Variants in METTL15 observed in about 807,000 individuals in gnomAD.
The protein encoded by METTL15 is methyltransferase 15, mitochondrial 12S rRNA N4-cytidine.
In METTL15, 34 loss-of-function variants were observed where a neutral mutation model predicts 38.3. The ratio of observed to expected loss-of-function variants is 0.89; its 90% CI spans 0.68 to 1.18. The LOEUF is 1.18. Among genes scored for constraint, METTL15 ranks in the 50% most tolerant of loss-of-function variants. The pLI, the probability that METTL15 is intolerant of heterozygous loss-of-function variation, is 0.00. For synonymous variants in METTL15, 162 were observed against 170.9 expected, an observed-to-expected ratio of 0.95 and a Z score of 0.41; for missense variants, 438 against 498.4, an observed-to-expected ratio of 0.88 and a Z score of 1.15.
intron 5 of METTL15, among the ~76,000 whole-genome samples, chr11:28,387,679 T>C (rs1484585399): frequency 6.6e-6 from 1 of 152,038 alleles, no homozygotes; most frequent in African/African-American, 2.4e-5. Flanking sequence ...AAGGAATGCT[T>C]TCAAACTCAT....
At chr11:28,410,675 G>A (rs995216938) in intron 5 of METTL15, 1 of 151,948 alleles carries the variant, frequency 6.6e-6, no homozygotes, top group Non-Finnish European at 1.5e-5. Context: ...ATAATCAACA[G>A]GGAAAAATGG....
chr11:28,227,608 T>C (rs759959117), intron 4 of METTL15, among the ~76,000 whole-genome samples: 10 of 151,878 alleles, frequency 6.6e-5, no homozygotes, highest in Non-Finnish European at 1.3e-4. Context: ...GGGAGAGGAA[T>C]GACAGAGTGG....
chr11:28,148,283 A>AT (rs1660374495), intron 3 of METTL15, among the ~76,000 whole-genome samples: 1 of 151,916 alleles, frequency 6.6e-6, no homozygotes, highest in Admixed American at 6.6e-5. Flanking sequence ...GCATTTTATG[A>AT]TACCTAAAAG....
intron 3 of METTL15, among the ~76,000 whole-genome samples, chr11:28,171,253 G>A (rs1203912756): frequency 6.6e-6 from 1 of 152,070 alleles, no homozygotes; most frequent in Non-Finnish European, 1.5e-5. Flanking sequence ...AGTGTCATGC[G>A]GAGAACACTA....
chr11:28,332,268 A>C lies in METTL15; in HGVS notation c.*1427A>C, dbSNP rs1324483871. On this transcript the variant is annotated 3_prime_UTR_variant, in exon 7 of 7. Transcript: ENST00000407364. The stretch of plus-strand genomic sequence containing the variant: ...ACAATATGGTTGAAATAGAAACAAG[A>C]GAATGCACCTAGGTTAATTCCCTGA... 6.6e-6 allele frequency: 1 copy of C among 152,180 alleles called. No individual in the cohort carries two copies. Among genetic ancestry groups the C allele is most frequent in the African/African-American group, 2.4e-5 (1 of 41,454 alleles). 9.4% of individuals were successfully genotyped at this position (152,180 alleles called of 1,614,324 possible).
intron 3 of METTL15, chr11:28,123,952 A>C (rs868158721): frequency 8.9e-7 from 1 of 1,125,312 alleles, no homozygotes; most frequent in African/African-American, 1.6e-5. Context: ...AAGATTATTA[A>C]TAATAACAAC....
chr11:28,274,640 T>C (rs1210947968), intron 4 of METTL15, among the ~76,000 whole-genome samples: 1 of 152,050 alleles, frequency 6.6e-6, no homozygotes, highest in Non-Finnish European at 1.5e-5. Flanking sequence ...GTTGTAATTT[T>C]GAACTAATGT....
intron 5 of METTL15, among the ~76,000 whole-genome samples, chr11:28,378,154 C>G (rs1333203450): frequency 6.6e-6 from 1 of 152,180 alleles, no homozygotes; most frequent in African/African-American, 2.4e-5. Flanking sequence ...CAGAGGCAGG[C>G]AGGCCTCCTT....
intron 4 of METTL15, among the ~76,000 whole-genome samples, chr11:28,284,998 T>C (rs1856197265): frequency 1.3e-5 from 2 of 152,108 alleles, no homozygotes; most frequent in African/African-American, 4.8e-5. Context: ...GTTTCCCCCA[T>C]GCTGTTCTGG....
At chr11:28,118,778 T>C (rs914954500) in intron 3 of METTL15, among the ~76,000 whole-genome samples, 2 of 152,168 alleles carry the variant, frequency 1.3e-5, no homozygotes, top group African/African-American at 4.8e-5. Context: ...CTTTCCATGG[T>C]TGTGCCTCAG....
intron 5 of METTL15, among the ~76,000 whole-genome samples, chr11:28,421,256 G>T: frequency 6.6e-6 from 1 of 152,012 alleles, no homozygotes; most frequent in East Asian, 1.9e-4. Flanking sequence ...AGGTCTTGGC[G>T]GATTCACTGC....
chr11:28,430,506 G>C (rs1329709286), intron 6 of METTL15, among the ~76,000 whole-genome samples: 3 of 1,396 alleles, frequency 2.1e-3, no homozygotes, highest in Non-Finnish European at 3.3e-3. Flanking sequence ...AGATGGGGGG[G>C]TCAGCCCCCC....
chr11:28,445,940 C>T (rs1217136926), intron 6 of METTL15, among the ~76,000 whole-genome samples: 2 of 152,126 alleles, frequency 1.3e-5, no homozygotes, highest in Admixed American at 6.5e-5. Context: ...CTTGAACCCC[C>T]GTGCCTGGCC....
chr11:28,369,491 G>T (rs1590347766), intron 5 of METTL15, among the ~76,000 whole-genome samples: 1 of 152,088 alleles, frequency 6.6e-6, no homozygotes, highest in East Asian at 1.9e-4. Flanking sequence ...TCCACCACAA[G>T]ATACATTATA....
intron 3 of METTL15, among the ~76,000 whole-genome samples, chr11:28,146,375 G>A (rs909832636): frequency 6.6e-6 from 1 of 151,944 alleles, no homozygotes; most frequent in African/African-American, 2.4e-5. Flanking sequence ...CTAACTAATT[G>A]GAAACAGTTT....
intron 4 of METTL15, among the ~76,000 whole-genome samples, chr11:28,227,879 G>C (rs554208881): frequency 6.6e-6 from 1 of 151,954 alleles, no homozygotes; most frequent in African/African-American, 2.4e-5. Context: ...TTTGTTTCCT[G>C]ATCATTCTAT....
intron 6 of METTL15, among the ~76,000 whole-genome samples, chr11:28,489,961 G>A (rs74453584): frequency 3.3e-5 from 5 of 151,990 alleles, no homozygotes; most frequent in Non-Finnish European, 5.9e-5. Context: ...CTGTTCCTGC[G>A]TTTTCCTCCA....
Position 28,505,541 on chromosome 11 carries a change from T to C in METTL15, c.*425-20937T>C, listed in dbSNP as rs187212543. 2.0e-3 allele frequency among the ~76,000 whole-genome samples: 309 copies of C among 152,370 alleles called. 1 individual carries two copies. Among genetic ancestry groups the C allele is most frequent in the African/African-American group, 6.0e-3 (250 of 41,588 alleles). ...AATCCTCACAGGATGTTTTTAGTTT[T>C]TCTGAGAACATTTTCTTCATAGCTC... On this transcript the variant is annotated intron_variant and NMD_transcript_variant, in intron 6 of 7. Coordinates refer to the METTL15 transcript ENST00000532947.
At chr11:28,258,409 G>C (rs1421723919) in intron 4 of METTL15, among the ~76,000 whole-genome samples, 1 of 152,066 alleles carries the variant, frequency 6.6e-6, no homozygotes, top group South Asian at 2.1e-4. Context: ...TTCAGGCCCT[G>C]AGGCTCAACA....
Sources: allele counts gnomAD v4.1 joint callset (sites outside exome capture counted in the v4.1 genomes callset), GRCh38; gene constraint gnomAD v4.1.1; transcripts MANE v1.5; gene names NCBI Gene and HGNC (gene_info 2026-07-23, HGNC 2026-07-21).